CNTNAP3: variants seen among roughly 807,000 people sequenced by gnomAD.
CNTNAP3 encodes contactin associated protein family member 3.
CNTNAP3 carries 36 observed loss-of-function variants against 92.1 expected under a neutral mutation model. The ratio of observed to expected loss-of-function variants is 0.39; its 90% CI spans 0.30 to 0.52. The LOEUF (loss-of-function observed/expected upper bound fraction) is 0.52, where lower values mean the gene tolerates loss of function less well. Ranked by LOEUF, CNTNAP3 falls within the 20% of genes least tolerant of loss-of-function variation. The pLI is 0.76. For synonymous variants in CNTNAP3, 232 were observed against 422.3 expected, an observed-to-expected ratio of 0.55 and a Z score of 5.53; for missense variants, 534 against 1,069.6, an observed-to-expected ratio of 0.50 and a Z score of 6.98.
rs574974117 is a variant in CNTNAP3, at chr9:39,097,818, A to G, written c.2995+2093T>C. 8.3e-3 allele frequency among the ~76,000 whole-genome samples: 1,231 copies of G among 149,014 alleles called. 10 individuals are homozygous for G. The highest frequency in any genetic ancestry group is 9.8e-3 in the Non-Finnish European group (659 of 67,130). On this transcript the variant is annotated intron_variant, in intron 18 of 23. Transcript: ENST00000297668. ...TCTCACTATTATTACTGATTAATAA[A>G]TGTTTCTTCATTTGATGTATTTCCT... is the stretch of plus-strand genomic sequence containing the variant.
chr9:39,105,644 C>G (rs1488806742), intron 15 of CNTNAP3, among the ~76,000 whole-genome samples: 1 of 152,058 alleles, frequency 6.6e-6, no homozygotes, highest in Non-Finnish European at 1.5e-5. Flanking sequence ...TTTTCTTTCC[C>G]CTTTGTCATA....
intron 13 of CNTNAP3, among the ~76,000 whole-genome samples, chr9:39,124,942 C>G (rs578259967): frequency 0.016 from 2,403 of 152,136 alleles, 58 homozygotes; most frequent in African/African-American, 0.054. Context: ...TTGTGGAAGA[C>G]AGTGTTGCGA....
At chr9:39,081,364 A>T (rs1334970305) in intron 21 of CNTNAP3, among the ~76,000 whole-genome samples, 3 of 151,786 alleles carry the variant, frequency 2.0e-5, no homozygotes, top group African/African-American at 7.3e-5. Flanking sequence ...GCTCTAATCA[A>T]AAATGTATGG....
At chr9:39,149,215 T>C (rs1821779276) in intron 10 of CNTNAP3, among the ~76,000 whole-genome samples, 1 of 152,136 alleles carries the variant, frequency 6.6e-6, no homozygotes, top group Non-Finnish European at 1.5e-5. Flanking sequence ...GGGTGTGGGG[T>C]TGCAAAAGCG....
intron 12 of CNTNAP3, among the ~76,000 whole-genome samples, chr9:39,134,442 G>A (rs1821379345): frequency 6.7e-6 from 1 of 150,316 alleles, no homozygotes; most frequent in African/African-American, 2.5e-5. Context: ...ATTTATTTTT[G>A]AGATAAGAGT....
chr9:39,135,226 G>T (rs1015190179), intron 12 of CNTNAP3, among the ~76,000 whole-genome samples: 1 of 152,034 alleles, frequency 6.6e-6, no homozygotes, highest in Non-Finnish European at 1.5e-5. Context: ...AAGCATATTG[G>T]AACTGGAAAG....
At chr9:39,105,288 A>C (rs546165735) in intron 15 of CNTNAP3, among the ~76,000 whole-genome samples, 2 of 152,072 alleles carry the variant, frequency 1.3e-5, no homozygotes, top group African/African-American at 4.8e-5. Flanking sequence ...TTAGCCAGGC[A>C]TGGTGGTGGG....
At chr9:39,111,961 G>C (rs1631384) in intron 14 of CNTNAP3, among the ~76,000 whole-genome samples, 1 of 152,028 alleles carries the variant, frequency 6.6e-6, no homozygotes, top group Non-Finnish European at 1.5e-5. Flanking sequence ...AACCTTTGGA[G>C]ATCAAAATAG....
rs1825506861 is a variant in CNTNAP3 at position 39,066,235 on chromosome 9, T to C, written c.*7655A>G. Among the ~76,000 whole-genome samples the C allele has an allele frequency of 6.6e-6, 1 of 152,258 alleles. No homozygotes were observed. The highest frequency in any genetic ancestry group is 2.1e-4 in the South Asian group (1 of 4,834). On this transcript the variant is annotated 3_prime_UTR_variant, in exon 24 of 24. Transcript: ENST00000297668. The stretch of plus-strand genomic sequence containing the variant: ...ACTTTTAATAGGCATTATACGACTT[T>C]ACACACAGTCTAAGAACCTTACAAA...
chr9:39,075,759 T>C (rs1019992960), intron 23 of CNTNAP3, among the ~76,000 whole-genome samples: 2 of 152,306 alleles, frequency 1.3e-5, no homozygotes, highest in Admixed American at 1.3e-4. Flanking sequence ...ACAAATGTAT[T>C]GTTGAAGATG....
chr9:39,068,269 A>T lies in CNTNAP3; in HGVS notation c.*5621T>A, dbSNP rs1334080884. Among the ~76,000 whole-genome samples, 1 of 148,194 alleles carries T rather than the reference A, an allele frequency of 6.7e-6. No individual in the cohort carries two copies. Among genetic ancestry groups the T allele is most frequent in the South Asian group, 2.1e-4 (1 of 4,738 alleles). ...AAAAAAAAAAAAAAAAAAAAAAATTAGCTGGGCATGTTGGCTTGTGCCTGT... is the reference window on the plus strand; with the variant it reads ...AAAAAAAAAAAAAAAAAAAAAAATTTGCTGGGCATGTTGGCTTGTGCCTGT... On this transcript the variant is annotated 3_prime_UTR_variant, in exon 24 of 24. Coordinates refer to ENST00000297668, the MANE Select transcript of CNTNAP3 (RefSeq NM_033655.5).
chr9:39,162,711 A>G (rs1189265501), intron 9 of CNTNAP3, among the ~76,000 whole-genome samples: 3 of 138,084 alleles, frequency 2.2e-5, no homozygotes, highest in East Asian at 4.3e-4. Context: ...GAACTAACAC[A>G]GGAACAGAAA....
intron 21 of CNTNAP3, among the ~76,000 whole-genome samples, chr9:39,082,761 G>A (rs920801549): frequency 9.8e-5 from 15 of 152,300 alleles, no homozygotes; most frequent in Non-Finnish European, 1.9e-4. Flanking sequence ...TTCCTCTGCT[G>A]CAGTGGAAAC....
At chr9:39,113,715 C>T (rs575157017) in intron 14 of CNTNAP3, among the ~76,000 whole-genome samples, 8 of 151,856 alleles carry the variant, frequency 5.3e-5, no homozygotes, top group Non-Finnish European at 1.2e-4. Context: ...CATGACAATT[C>T]CATAAAATTT....
intron 13 of CNTNAP3, among the ~76,000 whole-genome samples, chr9:39,122,793 A>G (rs564191893): frequency 6.6e-6 from 1 of 152,360 alleles, no homozygotes; most frequent in African/African-American, 2.4e-5. Context: ...ATATCAGATA[A>G]AGAATTTGAA....
At chr9:39,107,565 GA>G (rs1168177056) in intron 15 of CNTNAP3, among the ~76,000 whole-genome samples, 2 of 151,182 alleles carry the variant, frequency 1.3e-5, no homozygotes, top group Non-Finnish European at 3.0e-5. Flanking sequence ...GATTTTTAAG[GA>G]AAAAAAATCA....
chr9:39,076,605 G>A (rs1364682385), intron 23 of CNTNAP3, among the ~76,000 whole-genome samples: 1 of 152,312 alleles, frequency 6.6e-6, no homozygotes, highest in Non-Finnish European at 1.5e-5. Flanking sequence ...TCATTTTGAA[G>A]GAAACAAACA....
intron 12 of CNTNAP3, among the ~76,000 whole-genome samples, chr9:39,138,213 G>A (rs1207276114): frequency 2.6e-5 from 4 of 152,068 alleles, no homozygotes; most frequent in Admixed American, 1.3e-4. Context: ...TGATGTACCA[G>A]GTAAAAGTAA....
intron 13 of CNTNAP3, among the ~76,000 whole-genome samples, chr9:39,132,357 T>C (rs1821313539): frequency 6.6e-6 from 1 of 151,986 alleles, no homozygotes; most frequent in Non-Finnish European, 1.5e-5. Flanking sequence ...AAACATTACT[T>C]CCATATATGA....
Sources: allele counts gnomAD v4.1 joint callset (sites outside exome capture counted in the v4.1 genomes callset), GRCh38; gene constraint gnomAD v4.1.1; transcripts MANE v1.5; gene names NCBI Gene and HGNC (gene_info 2026-07-23, HGNC 2026-07-21).